Variants in CFAP47 observed in about 807,000 individuals in gnomAD.
CFAP47 encodes the protein cilia- and flagella-associated protein 47.
CFAP47 carries 29 observed loss-of-function variants against 148.1 expected under a neutral mutation model. The observed-to-expected ratio is 0.20, with a 90% CI of 0.15 to 0.27. The LOEUF (loss-of-function observed/expected upper bound fraction) is 0.27. CFAP47 is among the 10% of genes least tolerant of loss of function. CFAP47 has a pLI of 1.00. For missense variants in CFAP47, 1,872 were observed against 1,697.5 expected, an observed-to-expected ratio of 1.10 and a Z score of -1.81; for synonymous variants, 664 against 577.3, an observed-to-expected ratio of 1.15 and a Z score of -2.15.
chrX:36,056,793 A>G (rs1404184075), intron 26 of CFAP47, among the ~76,000 whole-genome samples: 2 of 111,952 alleles, frequency 1.8e-5, no homozygotes, highest in African/African-American at 6.5e-5. Flanking sequence ...GTGACACCCT[A>G]TCAGGCAAGT....
intron 59 of CFAP47, among the ~76,000 whole-genome samples, chrX:36,350,692 A>T (rs72618300): frequency 0.045 from 3,843 of 85,915 alleles, 88 homozygotes; most frequent in East Asian, 0.29. Flanking sequence ...TTATTTATTT[A>T]TTTTTTTTTT....
chrX:36,355,043 T>G, intron 60 of CFAP47, among the ~76,000 whole-genome samples: 1 of 111,006 alleles, frequency 9.0e-6, no homozygotes, highest in East Asian at 2.8e-4. Context: ...ACTAATAATC[T>G]GATTTTTTAA....
chrX:36,110,610 T>C (rs1292993219), intron 33 of CFAP47, among the ~76,000 whole-genome samples: 1 of 112,164 alleles, frequency 8.9e-6, no homozygotes, highest in Non-Finnish European at 1.9e-5. Context: ...TGGTTCCATA[T>C]GAATTTTAAA....
At position 36,207,428 on chromosome X, in the gene CFAP47, T is replaced by C. The variant is rs1314837458; in HGVS notation, c.6817+2318T>C. Among the ~76,000 whole-genome samples, 3 of 110,965 alleles carry C rather than the reference T, an allele frequency of 2.7e-5. No individual in the cohort carries two copies. In the Admixed American group the frequency reaches 2.9e-4, roughly 11 times the overall value. ...GGTAGAAGTAGGACCATATTTATGA[T>C]CACTTGAAGTTCTAAACTCATCAAA... On this transcript the variant is annotated intron_variant, in intron 45 of 63. Coordinates refer to ENST00000378653, the MANE Select transcript of CFAP47 (RefSeq NM_001304548.2).
chrX:36,043,719 A>G (rs1159978746), intron 25 of CFAP47, among the ~76,000 whole-genome samples: 1 of 112,470 alleles, frequency 8.9e-6, no homozygotes, highest in Non-Finnish European at 1.9e-5. Flanking sequence ...AGTGCAGGCA[A>G]CTTTTCTAGG....
chrX:35,969,820 G>A (rs1167259560), intron 10 of CFAP47, among the ~76,000 whole-genome samples: 2 of 112,004 alleles, frequency 1.8e-5, no homozygotes, highest in Non-Finnish European at 3.8e-5. Context: ...AGTTAAAGCT[G>A]TATTACTGTA....
At chrX:36,113,242 C>G (rs1230205012) in intron 33 of CFAP47, among the ~76,000 whole-genome samples, 1 of 111,871 alleles carries the variant, frequency 8.9e-6, no homozygotes, top group Non-Finnish European at 1.9e-5. Context: ...TCTTTTCTTT[C>G]TATATTTAGT....
At chrX:35,922,649 G>A (rs1221156538) in intron 1 of CFAP47, among the ~76,000 whole-genome samples, 4 of 112,825 alleles carry the variant, frequency 3.5e-5, no homozygotes, top group Non-Finnish European at 5.6e-5. Context: ...GAGTTCAAAT[G>A]TGGTAGTTAG....
chrX:36,357,445 G>C (rs1941794236), intron 60 of CFAP47, among the ~76,000 whole-genome samples: 1 of 111,511 alleles, frequency 9.0e-6, no homozygotes, highest in Non-Finnish European at 1.9e-5. Flanking sequence ...AGTAAACTGG[G>C]ATTGATTACC....
chrX:36,035,633 C>T, intron 23 of CFAP47, 62 bp from the exon 24 acceptor site: 1 of 288,143 alleles, frequency 3.5e-6, no homozygotes, highest in Middle Eastern at 9.3e-4. Context: ...GGTAATACAA[C>T]TAAACTTTAG....
rs1177330163 is a variant in CFAP47, at chrX:36,014,852, A to G, written c.3496A>G (p.Ser1166Gly). ...SSKLYTKYLS[S>G]SPSNPKTVPL... Reference sequence around the variant, plus strand: ...AAAGCTCTACACTAAATATTTGTCCAGTTCTCCTTCGAATCCAAAAACAGT... The same window carrying G: ...AAAGCTCTACACTAAATATTTGTCCGGTTCTCCTTCGAATCCAAAAACAGT... Residue 1166 changes from serine to glycine, a missense_variant, in exon 22 of 64, where the codon AGT (serine) becomes GGT (glycine). Physicochemically the swap from Ser to Gly is moderately conservative, Grantham distance 56. Transcript: ENST00000378653. 5 of 293,667 alleles carry G rather than the reference A, an allele frequency of 1.7e-5. No individual in the cohort carries two copies. The highest frequency in any genetic ancestry group is 2.8e-5 in the African/African-American group (1 of 36,226). The allele number at this position is 293,667 out of a possible 1,213,427, so 24.2% of individuals were successfully genotyped here.
chrX:36,143,670 C>T (rs1476155270), intron 35 of CFAP47, among the ~76,000 whole-genome samples: 1 of 111,679 alleles, frequency 9.0e-6, no homozygotes, highest in Non-Finnish European at 1.9e-5. Context: ...TTCTTCTGTT[C>T]CTGACATTAC....
Position 36,301,176 on chromosome X carries a change from G to T in CFAP47, c.7967G>T (p.Gly2656Val). The T allele has an allele frequency of 5.5e-6, 6 of 1,094,719 alleles. No individual in the cohort carries two copies. Among genetic ancestry groups the T allele is most frequent in the Non-Finnish European group, 7.4e-6 (6 of 812,077 alleles). The allele number at this position is 1,094,719 out of a possible 1,213,427, so 90.2% of individuals were successfully genotyped here. A position where few individuals can be genotyped will look rare whatever the true frequency, so the allele number is the denominator to read the frequency against. The change falls in exon 53 of 64, where the codon GGC becomes GTC. Residue 2656 changes from glycine (G) to valine (V), a missense_variant. By Grantham distance (109) the Gly-to-Val change is moderately radical (BLOSUM62 -3). Transcript: ENST00000378653. ...TTMPEIQCDLGKHVTQIIPLV... is the reference protein window; with the variant it reads ...TTMPEIQCDLVKHVTQIIPLV... ...ATGCCAGAAATACAGTGCGACCTTG[G>T]CAAGTAAGTTCTACTTAATAGATAA...
intron 57 of CFAP47, among the ~76,000 whole-genome samples, chrX:36,325,731 C>T (rs900095533): frequency 4.6e-4 from 51 of 111,016 alleles, no homozygotes; most frequent in Non-Finnish European, 1.1e-4. Context: ...TTTACACATC[C>T]CTCCCTCACC....
intron 21 of CFAP47, among the ~76,000 whole-genome samples, chrX:36,003,238 A>AT (rs1300694038): frequency 9.2e-6 from 1 of 109,101 alleles, no homozygotes; most frequent in African/African-American, 3.3e-5. Flanking sequence ...ATATTGATTG[A>AT]TTTTTTTAAT....
chrX:36,131,552 C>CA (rs922338630), intron 33 of CFAP47, among the ~76,000 whole-genome samples: 2 of 111,019 alleles, frequency 1.8e-5, no homozygotes, highest in Non-Finnish European at 3.8e-5. Flanking sequence ...TATATGATTA[C>CA]AAAAAACTTT....
intron 45 of CFAP47, among the ~76,000 whole-genome samples, chrX:36,212,181 A>T (rs1940109588): frequency 8.9e-6 from 1 of 112,203 alleles, no homozygotes; most frequent in Non-Finnish European, 1.9e-5. Flanking sequence ...AAGTAAAAAC[A>T]ATTTTTGAAA....
At chrX:35,972,888 A>G (rs1247243522) in intron 13 of CFAP47, among the ~76,000 whole-genome samples, 3 of 111,292 alleles carry the variant, frequency 2.7e-5, no homozygotes, top group South Asian at 7.6e-4. Context: ...CAATAAATTT[A>G]TATCTAACTT....
At chrX:36,012,379 C>A (rs910028082) in intron 21 of CFAP47, among the ~76,000 whole-genome samples, 2 of 111,761 alleles carry the variant, frequency 1.8e-5, no homozygotes, top group African/African-American at 6.5e-5. Flanking sequence ...ATGTTTATTG[C>A]AGCACTATTT....
Sources: allele counts gnomAD v4.1 joint callset (sites outside exome capture counted in the v4.1 genomes callset), GRCh38; gene constraint gnomAD v4.1.1; transcripts MANE v1.5; gene names NCBI Gene and HGNC (gene_info 2026-07-23, HGNC 2026-07-21).